Variants in CCNH observed in about 807,000 individuals in gnomAD.
CCNH encodes cyclin H.
A neutral mutation model predicts 41.9 loss-of-function variants in CCNH; 31 were observed. The observed-to-expected ratio is 0.74, with a 90% CI of 0.56 to 1.00. The LOEUF (loss-of-function observed/expected upper bound fraction) is 1.00, where lower values mean the gene tolerates loss of function less well. Ranked by LOEUF, CCNH falls within the 50% of genes least tolerant of loss-of-function variation. The pLI, the probability that CCNH is intolerant of heterozygous loss-of-function variation, is 0.00. For synonymous variants in CCNH, 138 were observed against 136.1 expected (o/e 1.01, Z -0.10); for missense variants, 362 against 388.4 (o/e 0.93, Z 0.57).
chr5:87,383,471 C>T (rs1223072435), intron 9 of CCNH, among the ~76,000 whole-genome samples: 1 of 152,088 alleles, frequency 6.6e-6, no homozygotes, highest in Admixed American at 6.6e-5. Context: ...AGTTAATCCA[C>T]ATTCTAAATT....
intron 9 of CCNH, among the ~76,000 whole-genome samples, chr5:87,383,050 GGCCACT>G (rs1349863045): frequency 6.6e-6 from 1 of 151,900 alleles, no homozygotes; most frequent in Non-Finnish European, 1.5e-5. Flanking sequence ...TGTGATTGTG[GGCCACT>G]GCACTCCAGC....
upstream of CCNH, among the ~76,000 whole-genome samples, chr5:87,377,686 T>C (rs1318975483): frequency 2.0e-5 from 3 of 152,096 alleles, no homozygotes; most frequent in African/African-American, 4.8e-5. Flanking sequence ...CTAACTTTTA[T>C]AGATAGGTAG....
rs1473356948 is a variant in CCNH, at chr5:87,395,123, C to T, written c.873-19G>A. 1.2e-6 allele frequency: 2 copies of T among 1,602,124 alleles called. No homozygotes were observed. The highest frequency in any genetic ancestry group is 2.2e-5 in the South Asian group (2 of 89,950). ...CTTCTTCCTATAATTAAGCAACTATCAATAAGCAATCCAATACCAGCCACA... is the reference window on the plus strand; with the variant it reads ...CTTCTTCCTATAATTAAGCAACTATTAATAAGCAATCCAATACCAGCCACA... On this transcript the variant is annotated intron_variant, in intron 7 of 8. Transcript: ENST00000256897.
chr5:87,337,048 G>C (rs1181582858), intron 9 of CCNH, among the ~76,000 whole-genome samples: 7 of 151,954 alleles, frequency 4.6e-5, no homozygotes. Context: ...ATTTTGATTT[G>C]TGAATATTAA....
chr5:87,388,666 A>G (rs1465343987), downstream of CCNH, among the ~76,000 whole-genome samples: 1 of 152,224 alleles, frequency 6.6e-6, no homozygotes, highest in Non-Finnish European at 1.5e-5. Context: ...AACACTGATT[A>G]TTCCCACACA....
downstream of CCNH, among the ~76,000 whole-genome samples, chr5:87,314,948 T>G (rs1476780134): frequency 6.6e-6 from 1 of 152,240 alleles, no homozygotes; most frequent in Non-Finnish European, 1.5e-5. Flanking sequence ...ATCTTTAAGT[T>G]TGTTTCAGAG....
chr5:87,396,064 G>C (rs1438905960), intron 7 of CCNH, among the ~76,000 whole-genome samples: 1 of 152,026 alleles, frequency 6.6e-6, no homozygotes, highest in East Asian at 1.9e-4. Context: ...AATTCTATCT[G>C]TACTGAACAT....
intron 9 of CCNH, among the ~76,000 whole-genome samples, chr5:87,321,972 T>C (rs2112338095): frequency 6.6e-6 from 1 of 152,218 alleles, no homozygotes; most frequent in East Asian, 1.9e-4. Flanking sequence ...ACACCAAACA[T>C]TGTAATAAAA....
At position 87,335,122 on chromosome 5, in the gene CCNH, T is replaced by G. The variant is rs566393175; in HGVS notation, c.*91-16225A>C. 1.0e-2 allele frequency among the ~76,000 whole-genome samples: 1,519 copies of G among 152,302 alleles called. 31 individuals are homozygous for G. Among genetic ancestry groups the G allele is most frequent in the African/African-American group, 0.035 (1,450 of 41,566 alleles). ...GTCTTGAACTCTTGACCTCAAGTGA[T>G]CTGCCCGCCTTGGCCTCCCAAAGTG... On this transcript the variant is annotated intron_variant and NMD_transcript_variant, in intron 9 of 9. Coordinates refer to the CCNH transcript ENST00000645953.
intron 9 of CCNH, among the ~76,000 whole-genome samples, chr5:87,324,368 A>G (rs1383115694): frequency 6.6e-6 from 1 of 151,780 alleles, no homozygotes; most frequent in Non-Finnish European, 1.5e-5. Flanking sequence ...TCCCTTCGTT[A>G]TCTGTTTACT....
intron 9 of CCNH, among the ~76,000 whole-genome samples, chr5:87,359,664 CTG>C (rs1176162169): frequency 5.3e-5 from 8 of 152,122 alleles, no homozygotes; most frequent in Admixed American, 4.6e-4. Flanking sequence ...AAATACAAAT[CTG>C]TATTACCAGG....
chr5:87,386,738 T>C, downstream of CCNH: 1 of 1,139,172 alleles, frequency 8.8e-7, no homozygotes, highest in Non-Finnish European at 1.3e-6. Flanking sequence ...CAGTTTTTGC[T>C]GTTAACTGTA....
chr5:87,388,153 T>G (rs372289074), downstream of CCNH, among the ~76,000 whole-genome samples: 54 of 152,332 alleles, frequency 3.5e-4, no homozygotes, highest in South Asian at 0.01. Flanking sequence ...TACTTTATTC[T>G]AAAGTCCTTT....
intron 9 of CCNH, among the ~76,000 whole-genome samples, chr5:87,368,823 T>TA (rs1452210550): frequency 1.3e-5 from 2 of 152,210 alleles, no homozygotes. Flanking sequence ...TTAATTATAG[T>TA]ATGATCTTGG....
downstream of CCNH, chr5:87,374,391 C>G (rs1192909261): frequency 4.3e-6 from 6 of 1,397,380 alleles, no homozygotes; most frequent in East Asian, 2.7e-5. Context: ...TTTTTTTGGT[C>G]TCTGTATCTA....
At chr5:87,321,551 T>TC (rs1756806527) in intron 9 of CCNH, among the ~76,000 whole-genome samples, 1 of 152,208 alleles carries the variant, frequency 6.6e-6, no homozygotes, top group Admixed American at 6.5e-5. Context: ...CTCACAGAAC[T>TC]CAGAGAAACA....
downstream of CCNH, among the ~76,000 whole-genome samples, chr5:87,315,784 A>AT (rs1756284437): frequency 6.6e-6 from 1 of 152,238 alleles, no homozygotes; most frequent in African/African-American, 2.4e-5. Flanking sequence ...AATCAAGCAG[A>AT]TTAAATACTT....
Position 87,412,862 on chromosome 5 carries a change from A to G in CCNH, c.-68T>C. The G allele has an allele frequency of 6.3e-7, 1 of 1,583,208 alleles. No individual in the cohort carries two copies. Among genetic ancestry groups the G allele is most frequent in the Non-Finnish European group, 8.6e-7 (1 of 1,159,708 alleles). ...CCAAACGCATCAGCGTCCTGGCGTA[A>G]AACACCCGTACCCCCACCGAAGATC... On this transcript the variant is annotated 5_prime_UTR_variant, in exon 1 of 9. Coordinates refer to ENST00000256897, the MANE Select transcript of CCNH (RefSeq NM_001239.4).
chr5:87,374,046 AAAAG>A, downstream of CCNH: 1 of 935,560 alleles, frequency 1.1e-6, no homozygotes, highest in African/African-American at 1.7e-5. Context: ...TTTCTGAAAA[AAAAG>A]GGGAAAATAA....
Sources: allele counts gnomAD v4.1 joint callset (sites outside exome capture counted in the v4.1 genomes callset), GRCh38; gene constraint gnomAD v4.1.1; transcripts MANE v1.5; gene names NCBI Gene and HGNC (gene_info 2026-07-23, HGNC 2026-07-21).